Variants in OCA2 observed in about 807,000 individuals in gnomAD.
The protein encoded by OCA2 is P protein.
In OCA2, 77 loss-of-function variants were observed where a neutral mutation model predicts 100.2. The ratio of observed to expected loss-of-function variants is 0.77; its 90% confidence interval spans 0.64 to 0.93. The LOEUF is 0.93. Ranked by LOEUF, OCA2 falls within the 40% of genes least tolerant of loss-of-function variation. The pLI is 0.00. For missense variants in OCA2, 1,062 were observed against 1,089.1 expected (o/e 0.98, Z 0.35); for synonymous variants, 432 against 439.2 (o/e 0.98, Z 0.21).
chr15:27,913,898 AGCAAGCAAGCAAGC>A (rs2038547258), intron 19 of OCA2, among the ~76,000 whole-genome samples: 7 of 39,948 alleles, frequency 1.8e-4, no homozygotes, highest in Middle Eastern at 0.017. Context: ...AAAGAAAGCA[AGCAAGCAAGCAAGC>A]AAGCAAGCAA....
chr15:28,007,927 C>T (rs1595810132), intron 9 of OCA2, among the ~76,000 whole-genome samples: 1 of 152,178 alleles, frequency 6.6e-6, no homozygotes, highest in African/African-American at 2.4e-5. Context: ...ACTCATGGAT[C>T]ACTGGGCACA....
intron 23 of OCA2, among the ~76,000 whole-genome samples, chr15:27,819,037 C>T (rs889464208): frequency 2.6e-5 from 4 of 152,192 alleles, no homozygotes; most frequent in African/African-American, 9.7e-5. Flanking sequence ...TTGCCACTTA[C>T]TAGCTTACAA....
intron 2 of OCA2, among the ~76,000 whole-genome samples, chr15:28,042,601 C>T (rs1449387803): frequency 6.6e-6 from 1 of 151,838 alleles, no homozygotes; most frequent in African/African-American, 2.4e-5. Flanking sequence ...GATTGCACCA[C>T]CGCACTCCAG....
At chr15:28,098,603 C>A (rs748221462) in intron 1 of OCA2, among the ~76,000 whole-genome samples, 3 of 152,324 alleles carry the variant, frequency 2.0e-5, no homozygotes, top group Non-Finnish European at 4.4e-5. Flanking sequence ...CACCGCCGGG[C>A]CCCAGGCTCT....
At chr15:27,825,142 T>G (rs1160918497) in intron 23 of OCA2, among the ~76,000 whole-genome samples, 1 of 152,158 alleles carries the variant, frequency 6.6e-6, no homozygotes, top group Non-Finnish European at 1.5e-5. Flanking sequence ...TGAAAAGTGA[T>G]TGCTTGGTGA....
chr15:27,866,297 G>A (rs1025966233), intron 21 of OCA2, among the ~76,000 whole-genome samples: 4 of 152,198 alleles, frequency 2.6e-5, no homozygotes, highest in Non-Finnish European at 4.4e-5. Flanking sequence ...CCCCAGCGTC[G>A]TGCTGAAGAG....
intron 23 of OCA2, among the ~76,000 whole-genome samples, chr15:27,838,066 T>C (rs1049904778): frequency 3.3e-5 from 5 of 151,900 alleles, no homozygotes; most frequent in African/African-American, 1.2e-4. Context: ...AAACAGAGCA[T>C]GAGAATCTAA....
At chr15:27,939,998 G>A (rs763353510) in intron 18 of OCA2, among the ~76,000 whole-genome samples, 4 of 152,138 alleles carry the variant, frequency 2.6e-5, no homozygotes, top group African/African-American at 7.2e-5. Context: ...CTGGAGAGGC[G>A]GGCCACAGAG....
At chr15:27,788,276 C>G (rs923115247) in intron 23 of OCA2, among the ~76,000 whole-genome samples, 1 of 151,892 alleles carries the variant, frequency 6.6e-6, no homozygotes, top group African/African-American at 2.4e-5. Flanking sequence ...TATAGCCTTG[C>G]TAATTTTTCT....
At position 27,926,147 on chromosome 15, in the gene OCA2, C is replaced by T. The variant is rs1344265643; in HGVS notation, c.2059G>A (p.Ala687Thr). The change falls in exon 19 of 24, where the codon GCG becomes ACG. Residue 687 changes from alanine (A) to threonine (T), a missense_variant. By Grantham distance (58) the Ala-to-Thr change is moderately conservative (BLOSUM62 0). Coordinates refer to ENST00000354638, the MANE Select transcript of OCA2 (RefSeq NM_000275.3). ...VEWATLLFFA[A>T]LFVLMEALAH... Reference sequence around the variant, plus strand: ...CTTACCTCCATCAGAACAAAGAGCGCTGCAAAAAACAGAAGGGTTGCCCAT... The same window carrying T: ...CTTACCTCCATCAGAACAAAGAGCGTTGCAAAAAACAGAAGGGTTGCCCAT... 11 of 1,613,948 alleles carry T rather than the reference C, an allele frequency of 6.8e-6. No homozygotes were observed. The highest frequency in any genetic ancestry group is 4.0e-5 in the African/African-American group (3 of 74,920).
intron 21 of OCA2, among the ~76,000 whole-genome samples, chr15:27,867,693 GTA>G (rs1465777694): frequency 6.6e-6 from 1 of 152,158 alleles, no homozygotes; most frequent in African/African-American, 2.4e-5. Flanking sequence ...GTTCTCTGCT[GTA>G]TCAAAACAGA....
chr15:27,906,866 C>T (rs905713498), intron 19 of OCA2, among the ~76,000 whole-genome samples: 6 of 152,190 alleles, frequency 3.9e-5, no homozygotes, highest in Non-Finnish European at 5.9e-5. Flanking sequence ...CTGGTGAGGG[C>T]CTCAGGCTGC....
intron 2 of OCA2, among the ~76,000 whole-genome samples, chr15:28,036,672 C>T (rs1383808191): frequency 2.0e-5 from 3 of 152,094 alleles, no homozygotes; most frequent in Admixed American, 6.5e-5. Context: ...CTTAACAATC[C>T]TATGATGCTT....
chr15:27,986,470 G>T, intron 12 of OCA2, 117 bp downstream of exon 12: 1 of 782,294 alleles, frequency 1.3e-6, no homozygotes, highest in Non-Finnish European at 2.2e-6. Flanking sequence ...ACCTTTAAAA[G>T]AAGGATGGAA....
Position 27,927,304 on chromosome 15 carries a change from G to A in OCA2, c.1952-1050C>T, listed in dbSNP as rs532745776. Reference sequence around the variant, plus strand: ...AACTCCATCTCAAAAACAAAAAAAAGATCCTTCGCTGTTGGTGTGTGAGTC... The same window carrying A: ...AACTCCATCTCAAAAACAAAAAAAAAATCCTTCGCTGTTGGTGTGTGAGTC... On this transcript the variant is annotated intron_variant, in intron 18 of 23. Coordinates refer to ENST00000354638, the MANE Select transcript of OCA2 (RefSeq NM_000275.3). Among the ~76,000 whole-genome samples the A allele has an allele frequency of 2.6e-5, 4 of 152,180 alleles. No homozygotes were observed. The East Asian group carries it at 7.7e-4, about 29-fold the overall frequency.
intron 19 of OCA2, among the ~76,000 whole-genome samples, chr15:27,884,680 T>C (rs2037155012): frequency 6.6e-6 from 1 of 152,196 alleles, no homozygotes; most frequent in Non-Finnish European, 1.5e-5. Flanking sequence ...TTGTATTCCA[T>C]GAAAAAGAGA....
rs1255736031 is a variant in OCA2, at chr15:28,022,539, A to G, written c.608T>C (p.Leu203Pro). ...CGGTGATAAGGCCAACAGCTGCCAG[A>G]GCTTTCCTTGATCCGGATATAGGCT... ...LFSLYPDQGK[L>P]WQLLALSPLE... The change falls in exon 6 of 24, where the codon CTC becomes CCC. Residue 203 changes from leucine (L) to proline (P), a missense_variant. Coordinates refer to ENST00000354638, the MANE Select transcript of OCA2 (RefSeq NM_000275.3). The G allele has an allele frequency of 3.1e-6, 5 of 1,614,010 alleles. No individual in the cohort carries two copies. The African/African-American group carries it at 5.3e-5, about 17-fold the overall frequency.
chr15:27,917,296 C>G (rs2038701124), intron 19 of OCA2, among the ~76,000 whole-genome samples: 1 of 152,108 alleles, frequency 6.6e-6, no homozygotes, highest in African/African-American at 2.4e-5. Context: ...TTCTCACAAG[C>G]AGCGTGATTA....
At chr15:27,868,356 A>AAT (rs2036407376) in intron 21 of OCA2, among the ~76,000 whole-genome samples, 1 of 152,210 alleles carries the variant, frequency 6.6e-6, no homozygotes, top group African/African-American at 2.4e-5. Context: ...GTGGTATATG[A>AAT]ATATATATGC....
Sources: allele counts gnomAD v4.1 joint callset (sites outside exome capture counted in the v4.1 genomes callset), GRCh38; gene constraint gnomAD v4.1.1; transcripts MANE v1.5; gene names NCBI Gene and HGNC (gene_info 2026-07-23, HGNC 2026-07-21).